PPARGC1A: variants seen among roughly 807,000 people sequenced by gnomAD.
The protein encoded by PPARGC1A is PPARG coactivator 1 alpha, also known as peroxisome proliferator-activated receptor gamma coactivator 1-alpha.
Under a neutral mutation model 88.7 loss-of-function variants are expected in PPARGC1A, and 25 were observed. The ratio of observed to expected loss-of-function variants is 0.28; its 90% CI spans 0.21 to 0.39. The LOEUF is 0.39. Ranked by LOEUF, PPARGC1A falls within the 10% of genes least tolerant of loss-of-function variation. The pLI is 1.00. For synonymous variants in PPARGC1A, 363 were observed against 355.6 expected, an observed-to-expected ratio of 1.02 and a Z score of -0.24; for missense variants, 880 against 968.7, an observed-to-expected ratio of 0.91 and a Z score of 1.22.
At chr4:24,229,483 T>G in the PPARGC1A span, among the ~76,000 whole-genome samples, 40 of 151,482 alleles carry the variant, frequency 2.6e-4, no homozygotes, top group Non-Finnish European at 5.0e-4. Context: ...CAAGTAATTC[T>G]ATCGTTCAGC....
intron 5 of PPARGC1A, among the ~76,000 whole-genome samples, chr4:23,826,239 G>C (rs919633538): frequency 6.6e-6 from 1 of 152,138 alleles, no homozygotes; most frequent in East Asian, 1.9e-4. Context: ...TACAGAATCC[G>C]ATCCCTGAAT....
chr4:24,179,596 C>T, the PPARGC1A span, among the ~76,000 whole-genome samples: 47 of 152,206 alleles, frequency 3.1e-4, no homozygotes, highest in Admixed American at 1.4e-3. Flanking sequence ...GACAGCCTGA[C>T]GAGCCCCCAA....
chr4:24,061,999 G>T, the PPARGC1A span, among the ~76,000 whole-genome samples: 1,947 of 152,264 alleles, frequency 0.013, 31 homozygotes, highest in South Asian at 0.071. Flanking sequence ...GTCTGGCCAA[G>T]GCTTTGACAC....
At chr4:24,221,629 T>C in the PPARGC1A span, among the ~76,000 whole-genome samples, 2 of 152,314 alleles carry the variant, frequency 1.3e-5, no homozygotes. Context: ...AAGTTTTGGC[T>C]GACTGCAGTG....
the PPARGC1A span, among the ~76,000 whole-genome samples, chr4:24,294,866 T>C: frequency 6.6e-6 from 1 of 152,216 alleles, no homozygotes; most frequent in Non-Finnish European, 1.5e-5. Context: ...CTAGTCAGCT[T>C]TTTGAGAGTA....
chr4:23,868,559 C>T (rs1712566230), intron 2 of PPARGC1A, among the ~76,000 whole-genome samples: 1 of 152,296 alleles, frequency 6.6e-6, no homozygotes, highest in South Asian at 2.1e-4. Context: ...CCCTCTTTCC[C>T]TCATGCAGTT....
Position 23,810,029 on chromosome 4 carries a change from G to A in PPARGC1A, c.2019+2718C>T, listed in dbSNP as rs185618509. On this transcript the variant is annotated intron_variant, in intron 10 of 12. Coordinates refer to ENST00000264867, the MANE Select transcript of PPARGC1A (RefSeq NM_013261.5). The stretch of plus-strand genomic sequence containing the variant: ...GTTGAAGCTCCTTGGATACAGGGAC[G>A]ATGTCTTTCCTAATTTTATATCCCA... Among the ~76,000 whole-genome samples, 13 of 152,248 alleles carry A rather than the reference G, an allele frequency of 8.5e-5. No homozygotes were observed. The South Asian group carries it at 1.0e-3, about 12-fold the overall frequency.
the PPARGC1A span, among the ~76,000 whole-genome samples, chr4:24,260,788 T>C: frequency 0.04 from 35 of 870 alleles, no homozygotes; most frequent in Admixed American, 0.083. Context: ...CTAGCATTAA[T>C]GGTATTATAT....
the PPARGC1A span, among the ~76,000 whole-genome samples, chr4:24,332,257 C>T: frequency 1.3e-5 from 2 of 152,016 alleles, no homozygotes; most frequent in Non-Finnish European, 2.9e-5. Flanking sequence ...GGATTACAGG[C>T]ATGAACCACC....
chr4:24,466,528 A>G, the PPARGC1A span, among the ~76,000 whole-genome samples: 60 of 152,360 alleles, frequency 3.9e-4, no homozygotes, highest in African/African-American at 1.4e-3. Flanking sequence ...TGGGAATAAC[A>G]GTAAAAGTAC....
chr4:24,383,878 C>T, the PPARGC1A span, among the ~76,000 whole-genome samples: 5 of 152,064 alleles, frequency 3.3e-5, no homozygotes, highest in Admixed American at 2.6e-4. Flanking sequence ...ATAGAGAACG[C>T]CACAAAGATA....
the PPARGC1A span, among the ~76,000 whole-genome samples, chr4:24,333,624 C>A: frequency 6.6e-6 from 1 of 152,116 alleles, no homozygotes; most frequent in African/African-American, 2.4e-5. Flanking sequence ...AGAGCCCAAA[C>A]AACTGGGCCT....
At chr4:24,001,609 G>A in the PPARGC1A span, among the ~76,000 whole-genome samples, 3 of 152,092 alleles carry the variant, frequency 2.0e-5, no homozygotes, top group African/African-American at 4.8e-5. Context: ...ACTAAATCAA[G>A]CTCACTATAA....
the PPARGC1A span, among the ~76,000 whole-genome samples, chr4:24,387,935 A>AAAGAAAGAAAGAAAGAAG: frequency 2.4e-3 from 18 of 7,358 alleles, 1 homozygote; most frequent in East Asian, 0.039. Flanking sequence ...AGAAAGAAAG[A>AAAGAAAGAAAGAAAGAAG]GAAAGAAAGA....
the PPARGC1A span, among the ~76,000 whole-genome samples, chr4:23,944,231 A>C: frequency 2.6e-5 from 4 of 152,366 alleles, no homozygotes; most frequent in East Asian, 7.7e-4. Context: ...CAACTTTTCC[A>C]TAAATCTAAA....
the PPARGC1A span, among the ~76,000 whole-genome samples, chr4:24,392,807 G>A: frequency 3.3e-5 from 5 of 152,082 alleles, no homozygotes; most frequent in Non-Finnish European, 7.4e-5. Context: ...GCGCGCACAG[G>A]CTGAGCAAAG....
chr4:24,147,036 G>A, the PPARGC1A span, among the ~76,000 whole-genome samples: 1 of 152,186 alleles, frequency 6.6e-6, no homozygotes, highest in Non-Finnish European at 1.5e-5. Flanking sequence ...GACTTGCTCA[G>A]TCTTTAAGGG....
the PPARGC1A span, among the ~76,000 whole-genome samples, chr4:23,936,925 C>G: frequency 6.6e-6 from 1 of 151,926 alleles, no homozygotes; most frequent in African/African-American, 2.4e-5. Flanking sequence ...AACACAGACT[C>G]CCAGAATGGA....
the PPARGC1A span, among the ~76,000 whole-genome samples, chr4:24,326,195 C>T: frequency 6.6e-6 from 1 of 152,134 alleles, no homozygotes. Context: ...CGCTGAATGC[C>T]AATATCCCAT....
Sources: gnomAD v4.1 joint callset for allele counts (sites outside exome capture counted in the v4.1 genomes callset) on GRCh38, gnomAD v4.1.1 for gene constraint, MANE v1.5 for transcripts, NCBI Gene and HGNC (gene_info 2026-07-23, HGNC 2026-07-21) for gene names.